PID1: variants seen among roughly 807,000 people sequenced by gnomAD.
PID1 encodes the protein PTB-containing, cubilin and LRP1-interacting protein.
A neutral mutation model predicts 19.1 loss-of-function variants in PID1; 10 were observed. That is an observed-to-expected ratio of 0.52 (90% CI 0.32 to 0.89). PID1 has a LOEUF of 0.89. Among genes scored for constraint, PID1 ranks in the 40% least tolerant of loss-of-function variants. PID1 has a pLI of 0.03. For synonymous variants in PID1, 130 were observed against 116.0 expected (o/e 1.12, Z -0.78); for missense variants, 248 against 285.3 (o/e 0.87, Z 0.94).
chr2:229,106,967 G>A (rs1368975304), intron 2 of PID1, among the ~76,000 whole-genome samples: 2 of 152,144 alleles, frequency 1.3e-5, no homozygotes, highest in African/African-American at 2.4e-5. Flanking sequence ...CTACAGATAA[G>A]GTCATCCTGG....
At chr2:229,032,043 TA>T (rs1324691234) in intron 2 of PID1, among the ~76,000 whole-genome samples, 4 of 152,096 alleles carry the variant, frequency 2.6e-5, no homozygotes, top group Non-Finnish European at 4.4e-5. Flanking sequence ...AGTAAAAACT[TA>T]AAAAAATTAA....
At chr2:229,067,854 C>G (rs1013688797) in intron 2 of PID1, among the ~76,000 whole-genome samples, 1 of 152,212 alleles carries the variant, frequency 6.6e-6, no homozygotes, top group African/African-American at 2.4e-5. Context: ...GGCTTCTGGT[C>G]ATGCTATTCC....
intron 1 of PID1, chr2:229,228,145 G>A: frequency 2.3e-6 from 1 of 440,470 alleles, no homozygotes; most frequent in Non-Finnish European, 4.6e-6. Flanking sequence ...CTGCAATTTT[G>A]ATGGGATCTT....
At chr2:229,232,820 TATA>T (rs1692243966) in intron 1 of PID1, among the ~76,000 whole-genome samples, 2 of 119,252 alleles carry the variant, frequency 1.7e-5, no homozygotes, top group Admixed American at 8.5e-5. Flanking sequence ...TATATATATA[TATA>T]TTTACATGCA....
chr2:229,136,758 T>C (rs1362252), intron 2 of PID1, among the ~76,000 whole-genome samples: 59,861 of 151,928 alleles, frequency 0.39, 11,982 homozygotes, highest in South Asian at 0.57. Flanking sequence ...TGTCATCCCC[T>C]GAGAAAATTC....
Position 229,217,565 on chromosome 2 carries a change from C to G in PID1, c.30+53449G>C, listed in dbSNP as rs114891476. Among the ~76,000 whole-genome samples the G allele has an allele frequency of 7.2e-3, 1,098 of 152,234 alleles. 3 individuals carry two copies. Among genetic ancestry groups the G allele is most frequent in the South Asian group, 0.015 (71 of 4,826 alleles). ...GCTACAGAAAACATGAGACCCAGCT[C>G]AAACGCAGGGCTGGTTGGAGAAGGT... On this transcript the variant is annotated intron_variant, in intron 1 of 2. Transcript: ENST00000392055.
chr2:229,210,359 A>G lies in PID1; in HGVS notation c.31-54395T>C, dbSNP rs149761219. On this transcript the variant is annotated intron_variant, in intron 1 of 2. Transcript: ENST00000392055. ...AACCCCGTCTCTATTAAAAATACAA[A>G]AGAATTAGCTGGGCATGGTGGCAGG... Among the ~76,000 whole-genome samples the G allele has an allele frequency of 6.7e-3, 1,009 of 151,278 alleles. 11 individuals carry two copies. The highest frequency in any genetic ancestry group is 0.023 in the African/African-American group (962 of 41,276).
At position 229,271,008 on chromosome 2, in the gene PID1, C is replaced by G; in HGVS notation, c.30+6G>C. 1 of 1,542,684 alleles carries G rather than the reference C, an allele frequency of 6.5e-7. No homozygotes were observed. Among genetic ancestry groups the G allele is most frequent in the South Asian group, 1.2e-5 (1 of 83,396 alleles). ...GGCTGGCCCCCGGCTCCCGGGTGCC[C>G]CTTACCTGCAGGCGCTCCGTGGCCG... On this transcript the variant is annotated splice_donor_region_variant and intron_variant, in intron 1 of 2. Coordinates refer to ENST00000392055, the MANE Select transcript of PID1 (RefSeq NM_001100818.2).
intron 2 of PID1, among the ~76,000 whole-genome samples, chr2:229,066,877 C>T (rs1181204815): frequency 6.6e-6 from 1 of 152,078 alleles, no homozygotes; most frequent in Non-Finnish European, 1.5e-5. Context: ...CACCCACAAT[C>T]CTCTCTACAG....
chr2:229,177,890 T>C (rs961751109), intron 1 of PID1, among the ~76,000 whole-genome samples: 1 of 152,168 alleles, frequency 6.6e-6, no homozygotes, highest in African/African-American at 2.4e-5. Context: ...TGGTCAAAAC[T>C]GAGGAACAAA....
intron 1 of PID1, among the ~76,000 whole-genome samples, chr2:229,163,162 T>C (rs1220392940): frequency 6.6e-6 from 1 of 152,204 alleles, no homozygotes. Flanking sequence ...TGACCCTTTT[T>C]TAATGCAAAA....
chr2:229,229,157 G>T (rs1388644296), intron 1 of PID1, among the ~76,000 whole-genome samples: 1 of 152,144 alleles, frequency 6.6e-6, no homozygotes, highest in African/African-American at 2.4e-5. Context: ...GTAACAATTT[G>T]TGAGTAAGTG....
chr2:229,159,636 T>G (rs1690452609), intron 1 of PID1, among the ~76,000 whole-genome samples: 2 of 152,174 alleles, frequency 1.3e-5, no homozygotes, highest in Non-Finnish European at 2.9e-5. Flanking sequence ...AATATAGATG[T>G]CCTACTAGTT....
At chr2:229,192,004 C>G (rs1691270085) in intron 1 of PID1, among the ~76,000 whole-genome samples, 1 of 152,072 alleles carries the variant, frequency 6.6e-6, no homozygotes, top group South Asian at 2.1e-4. Flanking sequence ...TATTTTATTC[C>G]TTCCTTCCTT....
At chr2:229,034,846 C>T (rs1279434580) in intron 2 of PID1, among the ~76,000 whole-genome samples, 1 of 151,840 alleles carries the variant, frequency 6.6e-6, no homozygotes, top group African/African-American at 2.4e-5. Flanking sequence ...AAATATGGAG[C>T]CTATGATGGA....
At chr2:229,142,538 C>G (rs978296649) in intron 2 of PID1, among the ~76,000 whole-genome samples, 1 of 152,126 alleles carries the variant, frequency 6.6e-6, no homozygotes, top group Non-Finnish European at 1.5e-5. Flanking sequence ...ACTCTACATA[C>G]CTAAGCTACA....
intron 1 of PID1, among the ~76,000 whole-genome samples, chr2:229,204,410 T>A (rs1691562610): frequency 6.6e-6 from 1 of 152,138 alleles, no homozygotes; most frequent in Non-Finnish European, 1.5e-5. Flanking sequence ...GTTTGAAACA[T>A]GGTAAAATGA....
chr2:229,050,379 C>T (rs538442477), intron 2 of PID1, among the ~76,000 whole-genome samples: 2 of 152,308 alleles, frequency 1.3e-5, no homozygotes, highest in African/African-American at 4.8e-5. Flanking sequence ...CATCCTAAAT[C>T]AAGGGCTCAG....
intron 1 of PID1, among the ~76,000 whole-genome samples, chr2:229,222,126 G>C (rs976019825): frequency 6.6e-6 from 1 of 152,170 alleles, no homozygotes; most frequent in Non-Finnish European, 1.5e-5. Flanking sequence ...TAAGAACAAA[G>C]TTCAAACTCT....
Sources: allele counts gnomAD v4.1 joint callset (sites outside exome capture counted in the v4.1 genomes callset), GRCh38; gene constraint gnomAD v4.1.1; transcripts MANE v1.5; gene names NCBI Gene and HGNC (gene_info 2026-07-23, HGNC 2026-07-21).